SUGP1: variants seen among roughly 807,000 people sequenced by gnomAD.
SUGP1 encodes SURP and G-patch domain-containing protein 1.
A neutral mutation model predicts 76.5 loss-of-function variants in SUGP1; 34 were observed. The observed-to-expected ratio is 0.44, with a 90% CI of 0.34 to 0.59. The LOEUF is 0.59. Ranked by LOEUF, SUGP1 falls within the 20% of genes least tolerant of loss-of-function variation. The pLI, the probability that SUGP1 is intolerant of heterozygous loss-of-function variation, is 0.01. For missense variants in SUGP1, 752 were observed against 851.7 expected, an observed-to-expected ratio of 0.88 and a Z score of 1.46; for synonymous variants, 326 against 326.2, an observed-to-expected ratio of 1.00 and a Z score of 0.01.
At chr19:19,306,204 G>T in intron 3 of SUGP1, 128 bp from the exon 4 acceptor site, 1 of 852,868 alleles carries the variant, frequency 1.2e-6, no homozygotes, top group Non-Finnish European at 1.7e-6. Flanking sequence ...GGGGCTCAGA[G>T]GAGGCCACCC....
Position 19,297,375 on chromosome 19 carries a change from A to T in SUGP1, c.888-31T>A. The T allele has an allele frequency of 2.3e-6, 3 of 1,322,236 alleles. No homozygotes were observed. In the South Asian group the frequency reaches 4.3e-5, roughly 19 times the overall value. The allele number at this position is 1,322,236 out of a possible 1,614,324, so 81.9% of individuals were successfully genotyped here. On this transcript the variant is annotated intron_variant, in intron 7 of 13. Transcript: ENST00000247001. ...AAGGAGAGTTGGGGGGTGCAGTGTCAGCTGGGCCCGAGGCCCTGTCCCTGA... is the reference window on the plus strand; with the variant it reads ...AAGGAGAGTTGGGGGGTGCAGTGTCTGCTGGGCCCGAGGCCCTGTCCCTGA...
At chr19:19,282,938 G>A (rs549733128) in intron 8 of SUGP1, among the ~76,000 whole-genome samples, 63 of 152,206 alleles carry the variant, frequency 4.1e-4, no homozygotes, top group South Asian at 1.7e-3. Flanking sequence ...TTAGCCAGGC[G>A]TGGTGGCAGG....
chr19:19,318,952 C>T (rs2146635016), intron 1 of SUGP1, among the ~76,000 whole-genome samples: 1 of 152,346 alleles, frequency 6.6e-6, no homozygotes, highest in South Asian at 2.1e-4. Flanking sequence ...GGCATGGTGA[C>T]TCACACCTGT....
At chr19:19,308,875 T>A (rs1212317017) in intron 3 of SUGP1, among the ~76,000 whole-genome samples, 1 of 152,188 alleles carries the variant, frequency 6.6e-6, no homozygotes, top group Non-Finnish European at 1.5e-5. Context: ...GGTAATTTTT[T>A]TTTTTTTTGA....
chr19:19,304,744 G>A (rs1387161463), intron 4 of SUGP1, among the ~76,000 whole-genome samples: 3 of 152,178 alleles, frequency 2.0e-5, no homozygotes, highest in Non-Finnish European at 2.9e-5. Context: ...TGGCAACTGG[G>A]CAACATGCCA....
Position 19,316,597 on chromosome 19 carries a change from G to A in SUGP1, c.35-4C>T. On this transcript the variant is annotated splice_region_variant and splice_polypyrimidine_tract_variant and intron_variant, in intron 1 of 13. Coordinates refer to ENST00000247001, the MANE Select transcript of SUGP1 (RefSeq NM_172231.4). Reference sequence around the variant, plus strand: ...CCAAACCACCGGTTAGCCTTTCCTGGGGAGGGAAAAGGAGTACGTCGGAAA... The same window carrying A: ...CCAAACCACCGGTTAGCCTTTCCTGAGGAGGGAAAAGGAGTACGTCGGAAA... 5.0e-6 allele frequency: 8 copies of A among 1,613,752 alleles called. No individual in the cohort carries two copies. The highest frequency in any genetic ancestry group is 6.8e-6 in the Non-Finnish European group (8 of 1,179,806).
At chr19:19,307,116 T>C (rs1012487466) in intron 3 of SUGP1, among the ~76,000 whole-genome samples, 4 of 152,088 alleles carry the variant, frequency 2.6e-5, no homozygotes, top group Admixed American at 2.6e-4. Context: ...CAATCATGGT[T>C]CACTGCAGCC....
intron 3 of SUGP1, 117 bp downstream of exon 3, chr19:19,309,980 C>A: frequency 2.9e-6 from 2 of 685,574 alleles, no homozygotes; most frequent in South Asian, 1.6e-5. Context: ...GGAATGAGGG[C>A]GATCTATGAT....
chr19:19,307,467 C>T (rs1259866562), intron 3 of SUGP1, among the ~76,000 whole-genome samples: 1 of 152,056 alleles, frequency 6.6e-6, no homozygotes, highest in Non-Finnish European at 1.5e-5. Flanking sequence ...AAAAAAATAA[C>T]GTCGAGTAAG....
intron 7 of SUGP1, 167 bp downstream of exon 7, chr19:19,302,098 T>G (rs941024001): frequency 3.6e-5 from 39 of 1,088,532 alleles, no homozygotes; most frequent in Non-Finnish European, 5.0e-5. Context: ...GCGTGGGACA[T>G]GCCTGTGGGG....
At chr19:19,319,706 C>CAAAAAAAAAAAAAAAAAAAA (rs570232030) in intron 1 of SUGP1, among the ~76,000 whole-genome samples, 3 of 69,274 alleles carry the variant, frequency 4.3e-5, no homozygotes, top group Non-Finnish European at 6.0e-5. Flanking sequence ...GACCCTGTCT[C>CAAAAAAAAAAAAAAAAAAAA]AAAAAAAAAA....
chr19:19,292,290 A>G (rs1388810689), intron 8 of SUGP1, among the ~76,000 whole-genome samples: 3 of 151,486 alleles, frequency 2.0e-5, no homozygotes, highest in East Asian at 3.9e-4. Flanking sequence ...AAAAAAAAAA[A>G]GAAAGAATAC....
In SUGP1 at chr19:19,306,046, G is replaced by C; in HGVS notation, c.341C>G (p.Pro114Arg). The C allele has an allele frequency of 6.2e-7, 1 of 1,608,742 alleles. No individual in the cohort carries two copies. The highest frequency in any genetic ancestry group is 8.5e-7 in the Non-Finnish European group (1 of 1,177,758). The change falls in exon 4 of 14, where the codon CCC becomes CGC. Residue 114 changes from proline (P) to arginine (R), a missense_variant. This residue lies in a region of SUGP1 where 620 missense variants were observed against 617.3 expected (regional missense o/e 1.00). Transcript: ENST00000247001. ...CCCAGCGCTGGGGGTGGGTGTGCTGGGAGGGGCGCTGGGCGCACTGGTCGG... is the reference window on the plus strand; with the variant it reads ...CCCAGCGCTGGGGGTGGGTGTGCTGCGAGGGGCGCTGGGCGCACTGGTCGG... ...DAPTSAPSAP[P>R]STPTPSAGKR...
At chr19:19,292,465 G>A (rs1249423796) in intron 8 of SUGP1, among the ~76,000 whole-genome samples, 2 of 151,898 alleles carry the variant, frequency 1.3e-5, no homozygotes, top group Non-Finnish European at 2.9e-5. Flanking sequence ...ACTTTAGGAG[G>A]CCAACATGGG....
chr19:19,306,986 C>A (rs996301049), intron 3 of SUGP1, among the ~76,000 whole-genome samples: 1 of 152,038 alleles, frequency 6.6e-6, no homozygotes, highest in African/African-American at 2.4e-5. Context: ...GCTCACCACC[C>A]TGAGAGCAGG....
At chr19:19,279,143 G>A (rs1332694419) in intron 10 of SUGP1, 70 bp downstream of exon 10, 2 of 1,454,138 alleles carry the variant, frequency 1.4e-6, no homozygotes, top group Admixed American at 2.2e-5. Context: ...GGCGCATCCA[G>A]GTAACCTTCC....
chr19:19,293,710 C>T (rs147926355), intron 8 of SUGP1, among the ~76,000 whole-genome samples: 332 of 152,282 alleles, frequency 2.2e-3, no homozygotes, highest in African/African-American at 7.2e-3. Context: ...AAGCTTTCCT[C>T]CTAAGATCAG....
intron 9 of SUGP1, among the ~76,000 whole-genome samples, chr19:19,279,660 G>A (rs956268521): frequency 3.3e-5 from 5 of 152,198 alleles, no homozygotes; most frequent in African/African-American, 9.7e-5. Flanking sequence ...ATGTGACGGG[G>A]CTGCGGGCCT....
intron 2 of SUGP1, 53 bp downstream of exon 2, chr19:19,316,369 T>C: frequency 1.2e-6 from 2 of 1,602,702 alleles, no homozygotes; most frequent in East Asian, 4.5e-5. Flanking sequence ...CCTGTGCTGG[T>C]GACCCTCAAA....
Sources: allele counts gnomAD v4.1 joint callset (sites outside exome capture counted in the v4.1 genomes callset), GRCh38; gene constraint gnomAD v4.1.1; regional missense constraint gnomAD v4.1.1; transcripts MANE v1.5; gene names NCBI Gene and HGNC (gene_info 2026-07-23, HGNC 2026-07-21).